Variants in CNTNAP2 observed in about 807,000 individuals in gnomAD.
The protein encoded by CNTNAP2 is contactin-associated protein-like 2.
CNTNAP2 carries 98 observed loss-of-function variants against 155.2 expected under a neutral mutation model. The observed-to-expected ratio is 0.63, with a 90% confidence interval of 0.54 to 0.75. The LOEUF is 0.75. Among genes scored for constraint, CNTNAP2 ranks in the 30% least tolerant of loss-of-function variants. The pLI is 0.00. For missense variants in CNTNAP2, 1,727 were observed against 1,688.1 expected (o/e 1.02, Z -0.40); for synonymous variants, 651 against 631.2 (o/e 1.03, Z -0.47).
At chr7:147,911,643 T>A (rs1264369942) in intron 14 of CNTNAP2, among the ~76,000 whole-genome samples, 1 of 152,220 alleles carries the variant, frequency 6.6e-6, no homozygotes. Context: ...CCACCATCGT[T>A]CTATTTTCTG....
intron 18 of CNTNAP2, among the ~76,000 whole-genome samples, chr7:148,177,215 A>C (rs1163531946): frequency 6.6e-6 from 1 of 152,212 alleles, no homozygotes; most frequent in African/African-American, 2.4e-5. Flanking sequence ...GTTTGGAAGT[A>C]GGGTCCTTGC....
At chr7:147,378,449 T>G (rs1400012224) in intron 9 of CNTNAP2, among the ~76,000 whole-genome samples, 1 of 152,064 alleles carries the variant, frequency 6.6e-6, no homozygotes, top group African/African-American at 2.4e-5. Flanking sequence ...TCTTGTCATT[T>G]GCAACTACAT....
At chr7:148,184,297 A>G (rs898231728) in intron 18 of CNTNAP2, among the ~76,000 whole-genome samples, 1 of 152,220 alleles carries the variant, frequency 6.6e-6, no homozygotes. Flanking sequence ...AAATAAATTG[A>G]CATGTAAATA....
chr7:148,344,149 A>G (rs1252372535), intron 21 of CNTNAP2, among the ~76,000 whole-genome samples: 1 of 152,174 alleles, frequency 6.6e-6, no homozygotes, highest in Non-Finnish European at 1.5e-5. Flanking sequence ...AGTCTCTCCT[A>G]GCAGATTTTT....
intron 18 of CNTNAP2, among the ~76,000 whole-genome samples, chr7:148,173,005 G>C (rs1239110501): frequency 2.6e-5 from 4 of 152,180 alleles, no homozygotes; most frequent in African/African-American, 9.7e-5. Context: ...ATGCCTTTGA[G>C]TGGCTCTCAG....
chr7:147,575,368 AG>A (rs1326261747), intron 12 of CNTNAP2, among the ~76,000 whole-genome samples: 1 of 75,666 alleles, frequency 1.3e-5, no homozygotes, highest in Non-Finnish European at 2.5e-5. Flanking sequence ...CCCTAGCTTT[AG>A]GGGTGTGTGT....
At chr7:147,502,416 T>C (rs1798831628) in intron 11 of CNTNAP2, among the ~76,000 whole-genome samples, 1 of 141,118 alleles carries the variant, frequency 7.1e-6, no homozygotes, top group Admixed American at 7.3e-5. Context: ...ATCTATCACT[T>C]ATATAGGGAA....
intron 1 of CNTNAP2, among the ~76,000 whole-genome samples, chr7:146,174,201 CAA>C (rs922201424): frequency 2.4e-5 from 3 of 124,606 alleles, no homozygotes; most frequent in Admixed American, 8.4e-5. Context: ...GATGCTGTCT[CAA>C]AAAAAAAAAG....
intron 15 of CNTNAP2, among the ~76,000 whole-genome samples, chr7:147,980,761 A>G (rs1801510256): frequency 8.7e-6 from 1 of 115,004 alleles, no homozygotes; most frequent in Non-Finnish European, 2.1e-5. Context: ...CGTCTCTACT[A>G]AAAATACAAA....
chr7:146,506,821 G>A (rs1481739245), intron 1 of CNTNAP2, among the ~76,000 whole-genome samples: 1 of 152,160 alleles, frequency 6.6e-6, no homozygotes, highest in South Asian at 2.1e-4. Context: ...TATGGTATCA[G>A]TACTAGGCTG....
chr7:147,851,025 T>A (rs1798929270), intron 13 of CNTNAP2, among the ~76,000 whole-genome samples: 2 of 152,262 alleles, frequency 1.3e-5, no homozygotes, highest in South Asian at 2.1e-4. Flanking sequence ...TCTACCCATC[T>A]GACAAAGGGC....
intron 14 of CNTNAP2, among the ~76,000 whole-genome samples, chr7:147,906,035 C>T (rs1367962255): frequency 6.6e-6 from 1 of 152,104 alleles, no homozygotes; most frequent in East Asian, 1.9e-4. Flanking sequence ...CCCTGGGACA[C>T]TCGCCCTTGC....
chr7:146,875,972 A>AC (rs1795420403), intron 3 of CNTNAP2, among the ~76,000 whole-genome samples: 1 of 150,962 alleles, frequency 6.6e-6, no homozygotes, highest in African/African-American at 2.4e-5. Flanking sequence ...CAAAAAACAA[A>AC]AAAACGAGAA....
chr7:146,322,568 G>T (rs1801023449), intron 1 of CNTNAP2, among the ~76,000 whole-genome samples: 1 of 142,446 alleles, frequency 7.0e-6, no homozygotes, highest in Non-Finnish European at 1.5e-5. Context: ...AAATCTATTG[G>T]ATCCTCTTTT....
At chr7:147,470,182 G>A (rs1192175447) in intron 10 of CNTNAP2, among the ~76,000 whole-genome samples, 2 of 152,224 alleles carry the variant, frequency 1.3e-5, no homozygotes, top group Admixed American at 6.5e-5. Context: ...AGAATAGGTT[G>A]GGTGAGAAGA....
chr7:148,107,603 A>G (rs980564871), intron 15 of CNTNAP2, among the ~76,000 whole-genome samples: 1 of 152,188 alleles, frequency 6.6e-6, no homozygotes, highest in South Asian at 2.1e-4. Flanking sequence ...GAATGTACAA[A>G]AAAGGTTTAA....
intron 21 of CNTNAP2, among the ~76,000 whole-genome samples, chr7:148,292,801 C>T (rs1563028598): frequency 6.6e-6 from 1 of 152,148 alleles, no homozygotes; most frequent in African/African-American, 2.4e-5. Flanking sequence ...AGCTGCTTCC[C>T]ATCCATCCCC....
At chr7:148,187,145 C>A (rs992758287) in intron 18 of CNTNAP2, among the ~76,000 whole-genome samples, 7 of 44,708 alleles carry the variant, frequency 1.6e-4, no homozygotes, top group South Asian at 9.7e-4. Flanking sequence ...CACACACACA[C>A]ACAAACAGAG....
At chr7:146,341,908 A>C (rs1436605359) in intron 1 of CNTNAP2, among the ~76,000 whole-genome samples, 2 of 152,216 alleles carry the variant, frequency 1.3e-5, no homozygotes, top group African/African-American at 4.8e-5. Context: ...TCCTACAAAT[A>C]GTTTAAAATT....
Sources: gnomAD v4.1 joint callset for allele counts (sites outside exome capture counted in the v4.1 genomes callset) on GRCh38, gnomAD v4.1.1 for gene constraint, MANE v1.5 for transcripts, NCBI Gene and HGNC (gene_info 2026-07-23, HGNC 2026-07-21) for gene names.